Variants in PATL1 observed in about 807,000 individuals in gnomAD.
PATL1 encodes protein PAT1 homolog 1.
Under a neutral mutation model 100.6 loss-of-function variants are expected in PATL1, and 32 were observed. The ratio of observed to expected loss-of-function variants is 0.32; its 90% CI spans 0.24 to 0.43. The LOEUF (loss-of-function observed/expected upper bound fraction) is 0.43, where lower values mean the gene tolerates loss of function less well. PATL1 is among the 20% of genes least tolerant of loss of function. The pLI, the probability that PATL1 is intolerant of heterozygous loss-of-function variation, is 1.00. For synonymous variants in PATL1, 332 were observed against 330.0 expected (o/e 1.01, Z -0.07); for missense variants, 747 against 949.9 (o/e 0.79, Z 2.81).
At chr11:59,657,058 C>G (rs1336959954) in intron 5 of PATL1, 14 of 982,640 alleles carry the variant, frequency 1.4e-5, no homozygotes, top group Admixed American at 6.2e-5. Context: ...TAGGCCATAC[C>G]AACACCACCC....
chr11:59,651,833 G>A (rs950965309), intron 11 of PATL1, among the ~76,000 whole-genome samples, 192 bp from the exon 12 acceptor site: 4 of 151,594 alleles, frequency 2.6e-5, no homozygotes, highest in Non-Finnish European at 5.9e-5. Context: ...GGGAGGCCGA[G>A]GGGGGTAGAT....
chr11:59,657,132 A>G, intron 5 of PATL1: 2 of 985,192 alleles, frequency 2.0e-6, no homozygotes, highest in Non-Finnish European at 2.4e-6. Flanking sequence ...AGGAAAGTCT[A>G]TGGAACAGGA....
chr11:59,661,886 C>T (rs1861629771), intron 2 of PATL1, among the ~76,000 whole-genome samples: 1 of 152,098 alleles, frequency 6.6e-6, no homozygotes, highest in Non-Finnish European at 1.5e-5. Context: ...CATTTTATTG[C>T]TAAACTATAA....
At position 59,656,529 on chromosome 11, in the gene PATL1, C is replaced by T; in HGVS notation, c.693G>A (p.Arg231=). The part of the protein sequence containing the change: ...PPRYPAPYGE[R]MSPNQLCSVP... ...CACTGCAGAGCTGGTTTGGAGACAT[C>T]CTCTCACCATAGGGAGCAGGATAAC... The change falls in exon 6 of 19, where the codon AGG becomes AGA. Residue 231 remains arginine (R), a synonymous_variant. Coordinates refer to ENST00000300146, the MANE Select transcript of PATL1 (RefSeq NM_152716.3). 1.9e-6 allele frequency: 3 copies of T among 1,613,950 alleles called. No homozygotes were observed. The highest frequency in any genetic ancestry group is 2.5e-6 in the Non-Finnish European group (3 of 1,179,878).
chr11:59,651,479 G>A, intron 12 of PATL1, 65 bp downstream of exon 12: 2 of 1,280,444 alleles, frequency 1.6e-6, no homozygotes, highest in Non-Finnish European at 2.2e-6. Context: ...CTCATTCCAT[G>A]GTGACCCCAA....
At position 59,656,025 on chromosome 11, in the gene PATL1, G is replaced by T. The variant is rs1043960072; in HGVS notation, c.744C>A (p.His248Gln). The change falls in exon 7 of 19, where the codon CAC becomes CAA. Residue 248 changes from histidine (H) to glutamine (Q), a missense_variant. Transcript: ENST00000300146. The stretch of plus-strand genomic sequence containing the variant: ...CAGGAGGAACACTAGGAGGAAAAGG[G>T]TGACCCAGGAGGGAAGAGTTCTAAG... ...CSVPNSSLLG[H>Q]PFPPSVPPVL... 6 of 1,544,804 alleles carry T rather than the reference G, an allele frequency of 3.9e-6. No individual in the cohort carries two copies. Among genetic ancestry groups the T allele is most frequent in the Non-Finnish European group, 5.2e-6 (6 of 1,148,364 alleles).
rs1028512588 is a variant in PATL1 at position 59,637,254 on chromosome 11, G to A, written c.*1136C>T. On this transcript the variant is annotated 3_prime_UTR_variant, in exon 19 of 19. Transcript: ENST00000300146. ...GAGAGGAGTAAGTGAGAAAGATCATGGCAGGCTGGCCCTGCAATTATTCAA... is the reference window on the plus strand; with the variant it reads ...GAGAGGAGTAAGTGAGAAAGATCATAGCAGGCTGGCCCTGCAATTATTCAA... 6.6e-6 allele frequency: 1 copy of A among 152,338 alleles called. No homozygotes were observed. Among genetic ancestry groups the A allele is most frequent in the African/African-American group, 2.4e-5 (1 of 41,438 alleles). 9.4% of individuals were successfully genotyped at this position (152,338 alleles called of 1,614,324 possible).
chr11:59,652,974 C>G lies in PATL1; in HGVS notation c.1166G>C (p.Arg389Pro), dbSNP rs373449614. ...TCGGAGATGATCTTGATGACTGCTCCGGTGACTTCCTCTATCTCCCGCACC... is the reference window on the plus strand; with the variant it reads ...TCGGAGATGATCTTGATGACTGCTCGGGTGACTTCCTCTATCTCCCGCACC... ...LNGAGDRGSH[R>P]SSHQDHLRKD... Residue 389 changes from arginine to proline, a missense_variant, in exon 10 of 19, where the codon CGG (arginine) becomes CCG (proline). By Grantham distance (103) the Arg-to-Pro change is moderately radical (BLOSUM62 -2). This residue lies in a region of PATL1 where 434 missense variants were observed against 596.1 expected (regional missense o/e 0.73). Coordinates refer to ENST00000300146, the MANE Select transcript of PATL1 (RefSeq NM_152716.3). The G allele has an allele frequency of 3.1e-6, 5 of 1,613,786 alleles. No individual in the cohort carries two copies. In the African/African-American group the frequency reaches 6.7e-5, roughly 22 times the overall value.
intron 5 of PATL1, among the ~76,000 whole-genome samples, 185 bp downstream of exon 5, chr11:59,657,345 C>T (rs1032839752): frequency 2.0e-5 from 3 of 152,194 alleles, no homozygotes; most frequent in African/African-American, 7.2e-5. Flanking sequence ...GCAGCAATAG[C>T]AGCAGCAAAG....
intron 2 of PATL1, 91 bp from the exon 3 acceptor site, chr11:59,659,560 C>T: frequency 8.3e-7 from 1 of 1,200,880 alleles, no homozygotes; most frequent in East Asian, 2.5e-5. Context: ...TAGACAGAGT[C>T]TCACTCTGTC....
chr11:59,647,968 A>AC, intron 14 of PATL1, 55 bp from the exon 15 acceptor site: 2 of 1,507,178 alleles, frequency 1.3e-6, no homozygotes, highest in Non-Finnish European at 1.8e-6. Context: ...AGAAACCCTC[A>AC]TTTTTTTCCT....
chr11:59,653,899 C>A (rs1352468985), intron 9 of PATL1, 84 bp downstream of exon 9: 5 of 1,256,476 alleles, frequency 4.0e-6, no homozygotes, highest in Non-Finnish European at 5.7e-6. Flanking sequence ...CTAAAAAAAA[C>A]AAAACAACTA....
intron 15 of PATL1, 77 bp from the exon 16 acceptor site, chr11:59,643,112 G>A: frequency 6.8e-7 from 1 of 1,467,370 alleles, no homozygotes; most frequent in South Asian, 1.3e-5. Context: ...ATGGATGGAA[G>A]GATGTTCATT....
intron 2 of PATL1, among the ~76,000 whole-genome samples, chr11:59,664,981 T>C (rs1861668296): frequency 6.6e-6 from 1 of 152,240 alleles, no homozygotes; most frequent in South Asian, 2.1e-4. Flanking sequence ...GTGATCTCCA[T>C]GGAGAGAGAT....
intron 13 of PATL1, 29 bp downstream of exon 13, chr11:59,650,725 C>G: frequency 2.0e-6 from 3 of 1,489,520 alleles, no homozygotes; most frequent in Non-Finnish European, 2.7e-6. Flanking sequence ...GTATTTGAAA[C>G]TAACTACAGC....
At chr11:59,647,216 C>T (rs897704812) in intron 15 of PATL1, among the ~76,000 whole-genome samples, 3 of 112,012 alleles carry the variant, frequency 2.7e-5, no homozygotes, top group African/African-American at 3.9e-5. Flanking sequence ...GAGCAAAACT[C>T]TGTCTCAAAA....
At position 59,643,048 on chromosome 11, in the gene PATL1, A is replaced by C; in HGVS notation, c.1894-13T>G. The C allele has an allele frequency of 6.2e-7, 1 of 1,613,158 alleles. No individual in the cohort carries two copies. The highest frequency in any genetic ancestry group is 1.3e-5 in the African/African-American group (1 of 75,020). On this transcript the variant is annotated splice_polypyrimidine_tract_variant and intron_variant, in intron 15 of 18. Transcript: ENST00000300146. ...AGCATGGCAGCACCTACAAAAAACA[A>C]ATAAAAGCATTATATCCTGGCACGT...
intron 2 of PATL1, among the ~76,000 whole-genome samples, chr11:59,664,727 T>C (rs1202294881): frequency 6.6e-6 from 1 of 152,112 alleles, no homozygotes; most frequent in Non-Finnish European, 1.5e-5. Flanking sequence ...CCATCATGCC[T>C]GGCTATTTTT....
At chr11:59,658,067 G>A (rs1005019157) in intron 4 of PATL1, among the ~76,000 whole-genome samples, 3 of 151,944 alleles carry the variant, frequency 2.0e-5, no homozygotes, top group Non-Finnish European at 2.9e-5. Context: ...AAGAGGCCGA[G>A]GTGGGAGGAT....
Sources: allele counts gnomAD v4.1 joint callset (sites outside exome capture counted in the v4.1 genomes callset), GRCh38; gene constraint gnomAD v4.1.1; regional missense constraint gnomAD v4.1.1; transcripts MANE v1.5; gene names NCBI Gene and HGNC (gene_info 2026-07-23, HGNC 2026-07-21).